Variants in BTRC observed in about 807,000 individuals in gnomAD.
The protein encoded by BTRC is F-box/WD repeat-containing protein 1A.
A neutral mutation model predicts 85.5 loss-of-function variants in BTRC; 42 were observed. The ratio of observed to expected loss-of-function variants is 0.49; its 90% CI spans 0.38 to 0.64. The LOEUF is 0.64. Ranked by LOEUF, BTRC falls within the 30% of genes least tolerant of loss-of-function variation. BTRC has a pLI of 0.00. For synonymous variants in BTRC, 255 were observed against 263.3 expected, an observed-to-expected ratio of 0.97 and a Z score of 0.30; for missense variants, 594 against 743.5, an observed-to-expected ratio of 0.80 and a Z score of 2.34.
chr10:101,525,084 T>G (rs2062170536), intron 5 of BTRC, among the ~76,000 whole-genome samples: 1 of 152,214 alleles, frequency 6.6e-6, no homozygotes, highest in South Asian at 2.1e-4. Flanking sequence ...GAAATAACTT[T>G]GAATGTTTTT....
intron 1 of BTRC, among the ~76,000 whole-genome samples, chr10:101,401,528 T>G (rs77823751): frequency 6.6e-6 from 1 of 152,146 alleles, no homozygotes; most frequent in Admixed American, 6.5e-5. Flanking sequence ...TGTCTTCTGA[T>G]GTTGAATATT....
chr10:101,445,271 A>G (rs1443928997), intron 2 of BTRC, among the ~76,000 whole-genome samples: 1 of 152,184 alleles, frequency 6.6e-6, no homozygotes, highest in East Asian at 1.9e-4. Flanking sequence ...GCTCTCAAAT[A>G]TGTCCCTTTT....
At chr10:101,377,935 G>C (rs1490171686) in intron 1 of BTRC, among the ~76,000 whole-genome samples, 1 of 151,726 alleles carries the variant, frequency 6.6e-6, no homozygotes, top group Admixed American at 6.6e-5. Context: ...ATAAACTGAG[G>C]AGATAGGATG....
intron 4 of BTRC, among the ~76,000 whole-genome samples, chr10:101,482,213 G>A (rs564509808): frequency 2.6e-5 from 4 of 151,936 alleles, no homozygotes; most frequent in Admixed American, 2.0e-4. Context: ...TAGAGACAGG[G>A]TTTCGCCATG....
At chr10:101,488,820 G>A (rs11597599) in intron 4 of BTRC, among the ~76,000 whole-genome samples, 40,070 of 151,896 alleles carry the variant, frequency 0.26, 6,315 homozygotes, top group South Asian at 0.4. Context: ...TACCCACCTG[G>A]GTACAGAATT....
intron 1 of BTRC, chr10:101,365,117 A>T (rs1287481768): frequency 1.3e-5 from 2 of 151,082 alleles, no homozygotes; most frequent in Non-Finnish European, 2.9e-5. Context: ...CTTGGTGCCC[A>T]GGCTGGAATA....
intron 1 of BTRC, among the ~76,000 whole-genome samples, chr10:101,383,527 T>G (rs903665464): frequency 2.0e-5 from 3 of 152,188 alleles, no homozygotes; most frequent in African/African-American, 7.2e-5. Flanking sequence ...CTTTCTTCCT[T>G]TCTTTCCTTC....
Position 101,534,677 on chromosome 10 carries a change from A to G in BTRC, c.1114A>G (p.Thr372Ala). Reference sequence around the variant, plus strand: ...CACTTCCAGAGTGTGGGATGTAAATACAGGTGAAATGCTAAACACGTTGAT... The same window carrying G: ...CACTTCCAGAGTGTGGGATGTAAATGCAGGTGAAATGCTAAACACGTTGAT... ...DSTVRVWDVN[T>A]GEMLNTLIHH... Residue 372 changes from threonine (T) to alanine (A), a missense_variant, in exon 10 of 15, where the codon ACA (threonine) becomes GCA (alanine). Thr to Ala is a moderately conservative substitution (Grantham distance 58). Around this residue, in one of 4 missense-constraint regions of BTRC, gnomAD observed 373 missense variants for 503.6 expected, o/e 0.74. Transcript: ENST00000370187. 6.2e-7 allele frequency: 1 copy of G among 1,614,180 alleles called. No homozygotes were observed. Among genetic ancestry groups the G allele is most frequent in the Non-Finnish European group, 8.5e-7 (1 of 1,180,028 alleles).
At chr10:101,403,850 T>C (rs12269500) in intron 1 of BTRC, among the ~76,000 whole-genome samples, 54,574 of 151,230 alleles carry the variant, frequency 0.36, 10,943 homozygotes, top group Middle Eastern at 0.49. Context: ...CTGCCTTGGC[T>C]TCCCAAAGTG....
intron 14 of BTRC, among the ~76,000 whole-genome samples, 181 bp from the exon 15 acceptor site, chr10:101,552,974 T>C (rs2062674776): frequency 6.6e-6 from 1 of 151,980 alleles, no homozygotes; most frequent in African/African-American, 2.4e-5. Context: ...TAGTATAACT[T>C]CCCCCATCAG....
chr10:101,537,586 C>T (rs1261426652), intron 12 of BTRC, among the ~76,000 whole-genome samples: 4 of 152,186 alleles, frequency 2.6e-5, no homozygotes, highest in Admixed American at 2.6e-4. Context: ...TTCTTTTTGT[C>T]AATCTGCCTG....
intron 4 of BTRC, among the ~76,000 whole-genome samples, chr10:101,507,978 T>C (rs189245454): frequency 3.9e-5 from 6 of 152,312 alleles, no homozygotes; most frequent in Non-Finnish European, 8.8e-5. Flanking sequence ...GCTGTGAATT[T>C]CTTGGTTTAG....
Position 101,555,192 on chromosome 10 carries a change from A to T in BTRC, c.*2069A>T, listed in dbSNP as rs1313039649. ...GGTAGAGGGCTGTCAGCCCTGAAAA[A>T]CACACAGGTCAGACATTTAAAAGGC... On this transcript the variant is annotated 3_prime_UTR_variant, in exon 15 of 15. Transcript: ENST00000370187. 6.6e-6 allele frequency: 1 copy of T among 152,646 alleles called. No individual in the cohort carries two copies. Among genetic ancestry groups the T allele is most frequent in the African/African-American group, 2.4e-5 (1 of 41,456 alleles). The allele number at this position is 152,646 out of a possible 1,614,324, so 9.5% of individuals were successfully genotyped here.
intron 2 of BTRC, among the ~76,000 whole-genome samples, chr10:101,445,607 T>C (rs1437873191): frequency 2.0e-5 from 3 of 152,248 alleles, no homozygotes; most frequent in Non-Finnish European, 4.4e-5. Flanking sequence ...GTCTGTCTAT[T>C]GGTCTCTTTT....
At chr10:101,452,149 A>G (rs1190570852) in intron 2 of BTRC, among the ~76,000 whole-genome samples, 1 of 152,226 alleles carries the variant, frequency 6.6e-6, no homozygotes, top group Non-Finnish European at 1.5e-5. Context: ...TTATATTAGC[A>G]TGCAAAATCT....
intron 4 of BTRC, among the ~76,000 whole-genome samples, chr10:101,513,883 G>C (rs980362032): frequency 6.6e-6 from 1 of 152,286 alleles, no homozygotes; most frequent in African/African-American, 2.4e-5. Context: ...ACCATTAAAC[G>C]TGACTGCCAA....
In BTRC at chr10:101,386,922, A is replaced by G. The variant is rs147684612; in HGVS notation, c.48+32694A>G. Among the ~76,000 whole-genome samples the G allele has an allele frequency of 3.7e-4, 57 of 152,304 alleles. 1 individual carries two copies. In the East Asian group the frequency reaches 0.01, roughly 27 times the overall value. ...TTGAGTTTTGGTTTTTACGTTTAGA[A>G]TTTTAGTCTTTCTAGAATTGATTTT... On this transcript the variant is annotated intron_variant, in intron 1 of 14. Coordinates refer to ENST00000370187, the MANE Select transcript of BTRC (RefSeq NM_033637.4).
At chr10:101,446,314 T>C (rs1489699597) in intron 2 of BTRC, among the ~76,000 whole-genome samples, 1 of 152,098 alleles carries the variant, frequency 6.6e-6, no homozygotes, top group African/African-American at 2.4e-5. Context: ...TCCCTTGCCA[T>C]TATTGTGAGG....
chr10:101,363,799 T>TG (rs1436935155), intron 1 of BTRC, among the ~76,000 whole-genome samples: 1 of 152,198 alleles, frequency 6.6e-6, no homozygotes, highest in Non-Finnish European at 1.5e-5. Flanking sequence ...AGTCAAGCGG[T>TG]GGCCAGAGTG....
Sources: gnomAD v4.1 joint callset for allele counts (sites outside exome capture counted in the v4.1 genomes callset) on GRCh38, gnomAD v4.1.1 for gene constraint, gnomAD v4.1.1 regional missense constraint, MANE v1.5 for transcripts, NCBI Gene and HGNC (gene_info 2026-07-23, HGNC 2026-07-21) for gene names.